CERS3: variants seen among roughly 807,000 people sequenced by gnomAD.
CERS3 encodes ceramide synthase 3, also known as LAG1 homolog, ceramide synthase 3.
Under a neutral mutation model 50.3 loss-of-function variants are expected in CERS3, and 33 were observed. That is an observed-to-expected ratio of 0.66 (90% CI 0.50 to 0.88). The LOEUF (loss-of-function observed/expected upper bound fraction) is 0.88, where lower values mean the gene tolerates loss of function less well. Ranked by LOEUF, CERS3 falls within the 40% of genes least tolerant of loss-of-function variation. The pLI is 0.00. For synonymous variants in CERS3, 176 were observed against 155.2 expected (o/e 1.13, Z -0.99); for missense variants, 470 against 460.3 (o/e 1.02, Z -0.19).
intron 10 of CERS3, among the ~76,000 whole-genome samples, chr15:100,463,701 G>A (rs1447740185): frequency 6.6e-6 from 1 of 152,134 alleles, no homozygotes; most frequent in Non-Finnish European, 1.5e-5. Flanking sequence ...GTGTGGAACT[G>A]GAAAGTCTAG....
intron 11 of CERS3, among the ~76,000 whole-genome samples, chr15:100,439,248 G>C (rs55858061): frequency 6.6e-6 from 1 of 152,182 alleles, no homozygotes; most frequent in East Asian, 1.9e-4. Context: ...TTATTGTTTA[G>C]AAAAAATAAG....
chr15:100,406,072 A>G (rs1312565817), intron 11 of CERS3, among the ~76,000 whole-genome samples: 1 of 152,222 alleles, frequency 6.6e-6, no homozygotes, highest in East Asian at 1.9e-4. Context: ...TTGCAGAGAA[A>G]TCTAGAAAAA....
intron 2 of CERS3, among the ~76,000 whole-genome samples, chr15:100,516,048 A>G (rs1463187332): frequency 1.3e-5 from 2 of 152,156 alleles, no homozygotes; most frequent in African/African-American, 4.8e-5. Flanking sequence ...CAAAGGGCCT[A>G]AGGTTAGTCA....
At chr15:100,503,812 T>C in intron 2 of CERS3, 3 of 464,264 alleles carry the variant, frequency 6.5e-6, no homozygotes, top group Non-Finnish European at 8.8e-6. Flanking sequence ...AGAGAAGGTT[T>C]GGCCAGAGCA....
chr15:100,537,672 G>A (rs2037106010), intron 1 of CERS3, among the ~76,000 whole-genome samples: 1 of 152,142 alleles, frequency 6.6e-6, no homozygotes, highest in South Asian at 2.1e-4. Flanking sequence ...CTTCCATCTG[G>A]TCTCTCCATG....
Position 100,466,840 on chromosome 15 carries a change from C to CCTCTCTCCCTCTCTCCCTCTCTCTCTCT in CERS3, c.845+2537_845+2538insAGAGAGAGAGAGGGAGAGAGGGAGAGAG, listed in dbSNP as rs1162475657. Among the ~76,000 whole-genome samples the CCTCTCTCCCTCTCTCCCTCTCTCTCTCT allele has an allele frequency of 1.4e-4, 4 of 28,312 alleles. 1 individual carries two copies. The highest frequency in any genetic ancestry group is 3.3e-4 in the African/African-American group (3 of 9,168). The allele number at this position is 28,312 out of a possible 152,430, so 18.6% of individuals were successfully genotyped here. On this transcript the variant is annotated intron_variant, in intron 10 of 11. Coordinates refer to ENST00000679737, the MANE Select transcript of CERS3 (RefSeq NM_001378789.1). ...CCCTCTCTCCCTCTCTCCCTCTCTC[C>CCTCTCTCCCTCTCTCCCTCTCTCTCTCT]CTCTCTCTTTCTCTCTTTCTTTCTT...
At chr15:100,541,624 T>A (rs2037204238) in intron 1 of CERS3, among the ~76,000 whole-genome samples, 1 of 152,238 alleles carries the variant, frequency 6.6e-6, no homozygotes, top group South Asian at 2.1e-4. Context: ...GTTTCTTTGT[T>A]GGGTGCTGTT....
chr15:100,505,852 A>C (rs2036161739), intron 2 of CERS3, among the ~76,000 whole-genome samples: 1 of 152,188 alleles, frequency 6.6e-6, no homozygotes. Flanking sequence ...TACAAAAAAT[A>C]CAAGAATTAG....
Position 100,456,042 on chromosome 15 carries a change from A to G in CERS3, c.850T>C (p.Leu284=). The G allele has an allele frequency of 1.2e-6, 2 of 1,600,916 alleles. No homozygotes were observed. The highest frequency in any genetic ancestry group is 1.1e-5 in the South Asian group (1 of 88,856). The change falls in exon 11 of 12, where the codon TTA becomes CTA. Residue 284 remains leucine, a synonymous_variant. Transcript: ENST00000679737. ...ATAGGCAAGATCAGCGTGCAATATA[A>G]AATCCTGAAACACCAAACAGTTGAG... is the stretch of plus-strand genomic sequence containing the variant. The part of the protein sequence containing the change: ...SRLIVFPFWI[L]YCTLILPMYH...
chr15:100,508,121 CTGT>C (rs72402924), intron 2 of CERS3, among the ~76,000 whole-genome samples: 2,081 of 152,254 alleles, frequency 0.014, 56 homozygotes, highest in African/African-American at 0.047. Flanking sequence ...GCAGAGGTAC[CTGT>C]TTTTAGGATT....
At chr15:100,502,707 A>T (rs2036048865) in intron 2 of CERS3, among the ~76,000 whole-genome samples, 3 of 152,172 alleles carry the variant, frequency 2.0e-5, no homozygotes, top group Admixed American at 1.3e-4. Flanking sequence ...AGCACTGAGG[A>T]TAAAACAATT....
intron 9 of CERS3, among the ~76,000 whole-genome samples, chr15:100,470,295 A>G (rs2034922627): frequency 6.6e-6 from 1 of 152,214 alleles, no homozygotes; most frequent in Non-Finnish European, 1.5e-5. Context: ...ACTTCATCCC[A>G]GAGGCTCAAG....
chr15:100,430,633 G>A (rs1229662191), intron 11 of CERS3, among the ~76,000 whole-genome samples: 1 of 152,120 alleles, frequency 6.6e-6, no homozygotes, highest in Non-Finnish European at 1.5e-5. Context: ...GTCTAAATCC[G>A]CAGTTGGCAA....
intron 9 of CERS3, among the ~76,000 whole-genome samples, chr15:100,472,661 C>CT (rs2035005384): frequency 6.6e-6 from 1 of 152,182 alleles, no homozygotes; most frequent in African/African-American, 2.4e-5. Flanking sequence ...ATCTTACTTC[C>CT]TGAGTGGGCA....
chr15:100,489,625 A>G (rs1253926985), intron 4 of CERS3, among the ~76,000 whole-genome samples: 1 of 152,210 alleles, frequency 6.6e-6, no homozygotes, highest in Non-Finnish European at 1.5e-5. Context: ...AAAGAGCCCT[A>G]TCTTTTTTTA....
At chr15:100,483,885 A>G (rs935475948) in intron 5 of CERS3, among the ~76,000 whole-genome samples, 4 of 148,358 alleles carry the variant, frequency 2.7e-5, no homozygotes, top group Admixed American at 6.8e-5. Context: ...GGTTCACGCC[A>G]TTCTCCTGCC....
chr15:100,506,047 A>C (rs1369304288), intron 2 of CERS3, among the ~76,000 whole-genome samples: 1 of 151,218 alleles, frequency 6.6e-6, no homozygotes, highest in East Asian at 2.0e-4. Context: ...TTTGTGAGCC[A>C]TCGGGTCTGA....
intron 4 of CERS3, 138 bp downstream of exon 4, chr15:100,490,679 A>C: frequency 3.2e-6 from 2 of 619,136 alleles, no homozygotes; most frequent in Non-Finnish European, 5.7e-6. Context: ...CAGAACAAAG[A>C]AACAATAAAT....
chr15:100,424,972 A>G lies in CERS3; in HGVS notation c.1000-22107T>C, dbSNP rs2032714304. 2.6e-5 allele frequency among the ~76,000 whole-genome samples: 4 copies of G among 152,310 alleles called. No homozygotes were observed. In the South Asian group the frequency reaches 8.3e-4, roughly 32 times the overall value. ...GCTAAAAGGGCCCCAGATATGTCTC[A>G]GGCCACTGTTCCAGAGGGTGCAAGC... On this transcript the variant is annotated intron_variant, in intron 11 of 11. Coordinates refer to ENST00000679737, the MANE Select transcript of CERS3 (RefSeq NM_001378789.1).
Sources: allele counts gnomAD v4.1 joint callset (sites outside exome capture counted in the v4.1 genomes callset), GRCh38; gene constraint gnomAD v4.1.1; transcripts MANE v1.5; gene names NCBI Gene and HGNC (gene_info 2026-07-23, HGNC 2026-07-21).